CHD3: variants seen among roughly 807,000 people sequenced by gnomAD.
The protein encoded by CHD3 is chromodomain helicase DNA binding protein 3.
Under a neutral mutation model 248.9 loss-of-function variants are expected in CHD3, and 52 were observed. The observed-to-expected ratio is 0.21, with a 90% CI of 0.17 to 0.26. The LOEUF is 0.26. Ranked by LOEUF, CHD3 falls within the 10% of genes least tolerant of loss-of-function variation. The pLI is 1.00. For missense variants in CHD3, 1,482 were observed against 2,605.8 expected (o/e 0.57, Z 9.39); for synonymous variants, 985 against 985.2 (o/e 1.00, Z 0.00).
chr17:7,908,570 AGAT>A lies in CHD3; in HGVS notation c.5261+64_5261+66del, dbSNP rs1256030838. 4.0e-5 allele frequency: 62 copies of A among 1,567,718 alleles called. No homozygotes were observed. The highest frequency in any genetic ancestry group is 4.9e-5 in the Non-Finnish European group (56 of 1,141,534). On this transcript the variant is annotated intron_variant, in intron 35 of 39. Coordinates refer to ENST00000330494, the MANE Select transcript of CHD3 (RefSeq NM_001005273.3). The surrounding 1 kb of genome is among the most constrained non-coding windows in gnomAD (Gnocchi z 5.8). ...TCTCTCAAGCTGGCAAAAAAAAAAA[AGAT>A]GATTTCACACCCAGGGACAGGGCTA...
Position 7,907,550 on chromosome 17 carries a change from C to T in CHD3, c.4925-51C>T, listed in dbSNP as rs759674098. The T allele has an allele frequency of 4.6e-6, 7 of 1,529,772 alleles. No homozygotes were observed. Among genetic ancestry groups the T allele is most frequent in the Non-Finnish European group, 6.1e-6 (7 of 1,139,046 alleles). 94.8% of individuals were successfully genotyped at this position (1,529,772 alleles called of 1,614,324 possible). ...ATTTGGGATTTCCCTCTTCTGGGGTCAGGGGATGAGGGTAACATCCTCCCT... is the reference window on the plus strand; with the variant it reads ...ATTTGGGATTTCCCTCTTCTGGGGTTAGGGGATGAGGGTAACATCCTCCCT... On this transcript the variant is annotated intron_variant, in intron 32 of 39. Transcript: ENST00000330494. This position sits in a 1 kb window ranked among gnomAD's most constrained non-coding sequence, Gnocchi z 4.3.
At chr17:7,886,730 C>A (rs55752997), upstream of CHD3, among the ~76,000 whole-genome samples, 9,581 of 151,982 alleles carry the variant, frequency 0.063, 529 homozygotes, top group East Asian at 0.3. The surrounding 1 kb of genome is among the most constrained non-coding windows in gnomAD (Gnocchi z 4.2). Context: ...CCGGCAGAGG[C>A]GCTGAAAAGA....
rs138752707 is a variant in CHD3, at chr17:7,904,458, G to A, written c.3911G>A (p.Arg1304Gln). The A allele has an allele frequency of 1.9e-6, 3 of 1,613,356 alleles. No individual in the cohort carries two copies. Among genetic ancestry groups the A allele is most frequent in the African/African-American group, 1.3e-5 (1 of 74,880 alleles). Residue 1304 changes from arginine (R) to glutamine (Q), a missense_variant, in exon 25 of 40, where the codon CGA becomes CAA. By Grantham distance (43) the Arg-to-Gln change is conservative (BLOSUM62 1). Transcript: ENST00000330494. This position sits in a 1 kb window ranked among gnomAD's most constrained non-coding sequence, Gnocchi z 4.4. ...REEDKIEEIE[R>Q]EIIKQEENVD... is the part of the protein sequence containing the mutation. ...GCCCTTCAGATTGAGGAAATTGAGC[G>A]AGAGATCATCAAGCAGGAGGAGAAT...
chr17:7,910,184 T>C lies in CHD3; in HGVS notation c.5591-244T>C, dbSNP rs1971472977. On this transcript the variant is annotated intron_variant, in intron 37 of 39. Coordinates refer to ENST00000330494, the MANE Select transcript of CHD3 (RefSeq NM_001005273.3). The surrounding 1 kb of genome is among the most constrained non-coding windows in gnomAD (Gnocchi z 4.7). ...TTTTTCTTTCTTCTTTCTCTCCATC[T>C]GTCTTCTGTGGTAATCTGGTCTCTC... 2 of 509,456 alleles carry C rather than the reference T, an allele frequency of 3.9e-6. No homozygotes were observed. Among genetic ancestry groups the C allele is most frequent in the Non-Finnish European group, 7.0e-6 (2 of 284,960 alleles). The allele number at this position is 509,456 out of a possible 1,614,324, so 31.6% of individuals were successfully genotyped here. A position where few individuals can be genotyped will look rare whatever the true frequency, so the allele number is the denominator to read the frequency against.
chr17:7,902,524 G>A, intron 20 of CHD3, 86 bp from the exon 21 acceptor site: 1 of 824,982 alleles, frequency 1.2e-6, no homozygotes, highest in Non-Finnish European at 2.1e-6. Context: ...AAAGATTAGG[G>A]TTGAGTTTGT....
Position 7,907,827 on chromosome 17 carries a change from A to C in CHD3, c.5027-67A>C. 1 of 1,568,808 alleles carries C rather than the reference A, an allele frequency of 6.4e-7. No homozygotes were observed. Among genetic ancestry groups the C allele is most frequent in the Non-Finnish European group, 8.7e-7 (1 of 1,154,484 alleles). ...GAAAGGCCAGTACAGTACAGTACAGATAGTAGTCTTGGGACCTGGGAGGAG... is the reference window on the plus strand; with the variant it reads ...GAAAGGCCAGTACAGTACAGTACAGCTAGTAGTCTTGGGACCTGGGAGGAG... On this transcript the variant is annotated intron_variant, in intron 33 of 39. Transcript: ENST00000330494. The surrounding 1 kb of genome is among the most constrained non-coding windows in gnomAD (Gnocchi z 4.3).
chr17:7,893,986 G>A (rs1567842251), intron 6 of CHD3, 51 bp downstream of exon 6: 1 of 1,571,708 alleles, frequency 6.4e-7, no homozygotes, highest in South Asian at 1.1e-5. Context: ...AGGATCCAGA[G>A]ACAGGGATCC....
chr17:7,897,034 T>C lies in CHD3; in HGVS notation c.1708-49T>C. 2.0e-6 allele frequency: 3 copies of C among 1,507,038 alleles called. No individual in the cohort carries two copies. Among genetic ancestry groups the C allele is most frequent in the Non-Finnish European group, 2.8e-6 (3 of 1,083,256 alleles). The allele number at this position is 1,507,038 out of a possible 1,614,324, so 93.4% of individuals were successfully genotyped here. A position where few individuals can be genotyped will look rare whatever the true frequency, so the allele number is the denominator to read the frequency against. ...GCCTCTTCCCGGTTCCTTGTTGTCC[T>C]CTGTGAGTGTCAGGACTATCTCTTT... On this transcript the variant is annotated intron_variant, in intron 10 of 39. Coordinates refer to ENST00000330494, the MANE Select transcript of CHD3 (RefSeq NM_001005273.3). This position sits in a 1 kb window ranked among gnomAD's most constrained non-coding sequence, Gnocchi z 4.8.
chr17:7,885,343 GCCA>G (rs994404607), upstream of CHD3: 4 of 176,866 alleles, frequency 2.3e-5, no homozygotes, highest in African/African-American at 9.7e-5. Context: ...CGCCGCCGCC[GCCA>G]CCCCGGCTGG....
At chr17:7,892,532 C>G (rs1435101340) in intron 4 of CHD3, among the ~76,000 whole-genome samples, 2 of 123,360 alleles carry the variant, frequency 1.6e-5, no homozygotes, top group Admixed American at 1.0e-4. Flanking sequence ...GAATCTCACT[C>G]TGTCGCCAGG....
chr17:7,898,524 C>A lies in CHD3; in HGVS notation c.2080C>A (p.Gln694Lys), dbSNP rs747932461. ...RELIMGEDPA[Q>K]PRKYKKKKKE... The stretch of plus-strand genomic sequence containing the variant: ...ACTAATTATGGGGGAAGACCCTGCC[C>A]AGCCCCGCAAGTATAAGAAGAAGAA... Residue 694 changes from glutamine (Q) to lysine (K), a missense_variant, in exon 13 of 40, where the codon CAG (glutamine) becomes AAG (lysine). Physicochemically the swap from Gln to Lys is moderately conservative, Grantham distance 53 (BLOSUM62 1). Around this residue, in one of 20 missense-constraint regions of CHD3, gnomAD observed 127 missense variants for 188.3 expected, o/e 0.67. Transcript: ENST00000330494. The A allele has an allele frequency of 2.5e-6, 4 of 1,614,108 alleles. No homozygotes were observed. The highest frequency in any genetic ancestry group is 3.4e-6 in the Non-Finnish European group (4 of 1,179,984).
At chr17:7,890,378 G>A (rs532182608) in intron 2 of CHD3, 193 bp from the exon 3 acceptor site, 54 of 443,932 alleles carry the variant, frequency 1.2e-4, no homozygotes, top group Admixed American at 5.2e-4. Context: ...GCAGTGAGCC[G>A]AGATCACGTC....
chr17:7,894,597 T>C lies in CHD3; in HGVS notation c.1258T>C (p.Cys420Arg). The change falls in exon 8 of 40, where the codon TGC (cysteine) becomes CGC (arginine). Residue 420 changes from cysteine (C) to arginine (R), a missense_variant. Physicochemically the swap from Cys to Arg is radical, Grantham distance 180. This residue lies in a region of CHD3 where 138 missense variants were observed against 241.1 expected (regional missense o/e 0.57). Coordinates refer to ENST00000330494, the MANE Select transcript of CHD3 (RefSeq NM_001005273.3). ...LDRAPEGKWS[C>R]PHCEKEGVQW... ...CCGGGCTCCAGAGGGCAAATGGAGCTGCCCTCACTGTGTGAGTACCTAATG... is the reference window on the plus strand; with the variant it reads ...CCGGGCTCCAGAGGGCAAATGGAGCCGCCCTCACTGTGTGAGTACCTAATG... The C allele has an allele frequency of 6.2e-7, 1 of 1,613,064 alleles. No individual in the cohort carries two copies. Among genetic ancestry groups the C allele is most frequent in the Non-Finnish European group, 8.5e-7 (1 of 1,179,276 alleles).
Position 7,906,507 on chromosome 17 carries a change from C to T in CHD3, c.4359-46C>T. The T allele has an allele frequency of 6.2e-7, 1 of 1,608,114 alleles. No homozygotes were observed. The highest frequency in any genetic ancestry group is 2.2e-5 in the East Asian group (1 of 44,832). ...CGCGCCTCCCTCACTGCCCTATACC[C>T]CTTCTGTGGCTCCCCTAACCCTCCT... On this transcript the variant is annotated intron_variant, in intron 28 of 39. Coordinates refer to ENST00000330494, the MANE Select transcript of CHD3 (RefSeq NM_001005273.3). This position sits in a 1 kb window ranked among gnomAD's most constrained non-coding sequence, Gnocchi z 5.0.
Position 7,907,924 on chromosome 17 carries a change from C to G in CHD3, c.5057C>G (p.Pro1686Arg). The change falls in exon 34 of 40, where the codon CCA becomes CGA. Residue 1686 changes from proline to arginine, a missense_variant. By Grantham distance (103) the Pro-to-Arg change is moderately radical. Around this residue, in one of 20 missense-constraint regions of CHD3, gnomAD observed 254 missense variants for 266.7 expected, o/e 0.95. Coordinates refer to ENST00000330494, the MANE Select transcript of CHD3 (RefSeq NM_001005273.3). The surrounding 1 kb of genome is among the most constrained non-coding windows in gnomAD (Gnocchi z 4.3). ...EDVKGDRELR[P>R]GPRDEPRSNG... is the part of the protein sequence containing the mutation. Reference sequence around the variant, plus strand: ...GTAAAAGGTGACCGGGAGCTTCGACCAGGGCCTCGAGATGAGCCACGGTCC... The same window carrying G: ...GTAAAAGGTGACCGGGAGCTTCGACGAGGGCCTCGAGATGAGCCACGGTCC... 6.2e-7 allele frequency: 1 copy of G among 1,612,564 alleles called. No homozygotes were observed. The highest frequency in any genetic ancestry group is 1.1e-5 in the South Asian group (1 of 91,012).
At chr17:7,885,956 C>T (rs879334517), upstream of CHD3, among the ~76,000 whole-genome samples, 8 of 152,256 alleles carry the variant, frequency 5.3e-5, no homozygotes, top group Non-Finnish European at 1.0e-4. Context: ...GAACCAGATA[C>T]CCCCGGCTCC....
rs1214663871 is a variant in CHD3, at chr17:7,911,407, A to G, written c.5882-57A>G. On this transcript the variant is annotated intron_variant, in intron 39 of 39. Transcript: ENST00000330494. The surrounding 1 kb of genome is among the most constrained non-coding windows in gnomAD (Gnocchi z 5.4). ...GAAGTGAGAATTCACCATTGTCATG[A>G]AGTGACGTTTGAGAGTGATCTGGAG... 9.9e-6 allele frequency: 16 copies of G among 1,612,420 alleles called. 1 individual carries two copies. In the East Asian group the frequency reaches 3.4e-4, roughly 34 times the overall value.
rs751504345 is a variant in CHD3, at chr17:7,895,452, C to G, written c.1617C>G (p.Pro539=). ...QADGNPDVPP[P]RPLQGRSERE... is the part of the protein sequence containing the mutation. ...ATGGAAATCCAGATGTCCCACCCCC[C>G]CGTCCTCTTCAAGGCAGATCAGAGC... Residue 539 remains proline, a synonymous_variant, in exon 10 of 40, where the codon CCC becomes CCG. Transcript: ENST00000330494. The surrounding 1 kb of genome is among the most constrained non-coding windows in gnomAD (Gnocchi z 4.9). 7.4e-6 allele frequency: 12 copies of G among 1,614,018 alleles called. No individual in the cohort carries two copies. Among genetic ancestry groups the G allele is most frequent in the African/African-American group, 2.7e-5 (2 of 74,892 alleles).
Position 7,910,959 on chromosome 17 carries a change from G to C in CHD3, c.5867G>C (p.Gly1956Ala). Residue 1956 changes from glycine (G) to alanine (A), a missense_variant, in exon 39 of 40, where the codon GGG (glycine) becomes GCG (alanine). By Grantham distance (60) the Gly-to-Ala change is moderately conservative. Coordinates refer to ENST00000330494, the MANE Select transcript of CHD3 (RefSeq NM_001005273.3). This position sits in a 1 kb window ranked among gnomAD's most constrained non-coding sequence, Gnocchi z 4.7. Reference sequence around the variant, plus strand: ...GCCAATTACAGCCAGATGCCTGCAGGGTCCTTCATCACAGGTCAGCTGGTG... The same window carrying C: ...GCCAATTACAGCCAGATGCCTGCAGCGTCCTTCATCACAGGTCAGCTGGTG... ...AGANYSQMPA[G>A]SFITAATNGP... 6.2e-7 allele frequency: 1 copy of C among 1,613,116 alleles called. No homozygotes were observed. Among genetic ancestry groups the C allele is most frequent in the South Asian group, 1.1e-5 (1 of 90,986 alleles).
Sources: allele counts gnomAD v4.1 joint callset (sites outside exome capture counted in the v4.1 genomes callset), GRCh38; gene constraint gnomAD v4.1.1; regional missense constraint gnomAD v4.1.1; non-coding constraint Gnocchi (gnomAD v3.1); transcripts MANE v1.5; gene names NCBI Gene and HGNC (gene_info 2026-07-23, HGNC 2026-07-21).